The following OVCH1 variants were observed in gnomAD, a reference collection of about 807,000 sequenced individuals.
The protein encoded by OVCH1 is ovochymase-1.
Under a neutral mutation model 138.4 loss-of-function variants are expected in OVCH1, and 139 were observed. That is an observed-to-expected ratio of 1.00 (90% CI 0.87 to 1.16). The LOEUF is 1.16. Ranked by LOEUF, OVCH1 falls within the 50% of genes most tolerant of loss-of-function variation. The pLI is 0.00. For synonymous variants in OVCH1, 453 were observed against 467.8 expected, an observed-to-expected ratio of 0.97 and a Z score of 0.41; for missense variants, 1,367 against 1,357.9, an observed-to-expected ratio of 1.01 and a Z score of -0.11.
chr12:29,427,618 C>T, exon 28 of OVCH1: 2 of 1,551,284 alleles, frequency 1.3e-6, no homozygotes, highest in Non-Finnish European at 1.7e-6. Context: ...TCTGCTGGCA[C>T]CTGGATCCTG....
chr12:29,476,241 A>G, exon 13 of OVCH1: 3 of 1,613,688 alleles, frequency 1.9e-6, no homozygotes, highest in Non-Finnish European at 2.5e-6. Flanking sequence ...ACCGTAAATC[A>G]CAACAGCATC....
chr12:29,405,652 A>G, the OVCH1 span, among the ~76,000 whole-genome samples: 53,115 of 152,136 alleles, frequency 0.35, 9,542 homozygotes, highest in Admixed American at 0.48. Context: ...TCCAAAAACT[A>G]TTTTGTATGG....
At chr12:29,495,720 T>TC (rs1388050339) in intron 3 of OVCH1, among the ~76,000 whole-genome samples, 48 of 152,334 alleles carry the variant, frequency 3.2e-4, no homozygotes, top group African/African-American at 1.1e-3. Context: ...AAACCATAGT[T>TC]CACACATGCA....
chr12:29,433,897 G>T (rs1190088290), intron 26 of OVCH1: 1 of 1,195,170 alleles, frequency 8.4e-7, no homozygotes. Flanking sequence ...AGAAACAAAA[G>T]GTAAAATGGG....
Position 29,471,700 on chromosome 12 carries a change from T to C in OVCH1, c.1856+102A>G, listed in dbSNP as rs534787111. ...AGAAACACTAAAAGAAGATTCTTGC[T>C]CTAGAATTAGTCTGGATGATCTTAG... On this transcript the variant is annotated intron_variant, in intron 16 of 27. Transcript: ENST00000318184. 1.1e-4 allele frequency: 143 copies of C among 1,270,534 alleles called. No homozygotes were observed. In the African/African-American group the frequency reaches 2.0e-3, roughly 18 times the overall value. 78.7% of individuals were successfully genotyped at this position (1,270,534 alleles called of 1,614,324 possible).
chr12:29,452,166 TTA>T (rs1199713357), intron 21 of OVCH1, among the ~76,000 whole-genome samples: 1 of 152,198 alleles, frequency 6.6e-6, no homozygotes, highest in Non-Finnish European at 1.5e-5. Context: ...TCTTCTTCCT[TTA>T]TGTCTATTCC....
downstream of OVCH1, among the ~76,000 whole-genome samples, chr12:29,412,133 G>A (rs1414654053): frequency 6.6e-6 from 1 of 152,114 alleles, no homozygotes; most frequent in Admixed American, 6.5e-5. Flanking sequence ...TAATCTCCTG[G>A]TGCGCCGTTT....
intron 3 of OVCH1, among the ~76,000 whole-genome samples, chr12:29,417,254 A>G (rs1420372004): frequency 6.6e-6 from 1 of 152,026 alleles, no homozygotes; most frequent in Non-Finnish European, 1.5e-5. Flanking sequence ...GGAGTTCGAG[A>G]CCAACCTGAC....
At chr12:29,438,557 G>A (rs1050262050) in intron 26 of OVCH1, among the ~76,000 whole-genome samples, 3 of 152,018 alleles carry the variant, frequency 2.0e-5, no homozygotes, top group Non-Finnish European at 4.4e-5. Flanking sequence ...TTCAGTTTTG[G>A]AACATGGTAC....
At chr12:29,474,363 C>T (rs1942631452) in intron 14 of OVCH1, among the ~76,000 whole-genome samples, 1 of 152,132 alleles carries the variant, frequency 6.6e-6, no homozygotes, top group South Asian at 2.1e-4. Context: ...CTTCTCAAAG[C>T]CTCACTTCCC....
the OVCH1 span, among the ~76,000 whole-genome samples, chr12:29,407,078 G>C: frequency 6.6e-6 from 1 of 152,066 alleles, no homozygotes; most frequent in East Asian, 1.9e-4. Flanking sequence ...ATTTTTTCAT[G>C]TGTTTTTTGG....
chr12:29,450,804 G>T (rs1006989218), intron 22 of OVCH1, among the ~76,000 whole-genome samples: 1 of 152,036 alleles, frequency 6.6e-6, no homozygotes, highest in African/African-American at 2.4e-5. Context: ...AAGAAAATGT[G>T]GCACATATAC....
chr12:29,474,313 C>T (rs763233915), intron 14 of OVCH1, among the ~76,000 whole-genome samples: 1 of 152,090 alleles, frequency 6.6e-6, no homozygotes, highest in Non-Finnish European at 1.5e-5. Context: ...GTTCTGACTC[C>T]ACCTCTTGCC....
At chr12:29,435,143 A>G (rs1941334741) in intron 26 of OVCH1, among the ~76,000 whole-genome samples, 1 of 152,210 alleles carries the variant, frequency 6.6e-6, no homozygotes, top group Non-Finnish European at 1.5e-5. Context: ...AAGTTGCAGT[A>G]ATTGCCACAC....
chr12:29,465,628 T>C (rs1316366001), intron 16 of OVCH1, among the ~76,000 whole-genome samples: 2 of 152,098 alleles, frequency 1.3e-5, no homozygotes, highest in Non-Finnish European at 2.9e-5. Flanking sequence ...GCCTCTGCGA[T>C]CTCCCTCCCA....
At chr12:29,493,382 T>C (rs1049293593) in intron 4 of OVCH1, among the ~76,000 whole-genome samples, 1 of 152,198 alleles carries the variant, frequency 6.6e-6, no homozygotes, top group East Asian at 1.9e-4. Flanking sequence ...TATATAATTA[T>C]TTTTTGTATC....
chr12:29,489,504 A>C, intron 6 of OVCH1, 116 bp downstream of exon 6: 1 of 1,198,724 alleles, frequency 8.3e-7, no homozygotes, highest in Admixed American at 3.1e-5. Context: ...GAAAAGATGA[A>C]GGGAAAAAGA....
chr12:29,451,626 C>A (rs1368122350), intron 21 of OVCH1, 57 bp from the exon 22 acceptor site: 2 of 1,348,590 alleles, frequency 1.5e-6, no homozygotes, highest in African/African-American at 1.5e-5. Flanking sequence ...AAAGAAAAAC[C>A]AGATTCTATC....
rs189316643 is a variant in OVCH1, at chr12:29,477,233, C to T, written c.1247-1G>A. 4.1e-4 allele frequency: 660 copies of T among 1,613,544 alleles called. No individual in the cohort carries two copies. Among genetic ancestry groups the T allele is most frequent in the Non-Finnish European group, 5.2e-4 (618 of 1,179,690 alleles). On this transcript the variant is annotated splice_acceptor_variant, in intron 11 of 27. Transcript: ENST00000318184. LOFTEE classifies it high-confidence loss of function. Reference sequence around the variant, plus strand: ...ATAGCCAGACTCCCACAACCTGACCCTGTGGAAGCATTGGGGAAATTCAAA... The same window carrying T: ...ATAGCCAGACTCCCACAACCTGACCTTGTGGAAGCATTGGGGAAATTCAAA...
Sources: allele counts gnomAD v4.1 joint callset (sites outside exome capture counted in the v4.1 genomes callset), GRCh38; gene constraint gnomAD v4.1.1; transcripts MANE v1.5; gene names NCBI Gene and HGNC (gene_info 2026-07-23, HGNC 2026-07-21).